THOC2: variants seen among roughly 807,000 people sequenced by gnomAD.
The protein encoded by THOC2 is THO complex 2.
THOC2 carries 10 observed loss-of-function variants against 128.4 expected under a neutral mutation model. That is an observed-to-expected ratio of 0.08 (90% CI 0.05 to 0.13). The LOEUF (loss-of-function observed/expected upper bound fraction) is 0.13, where lower values mean the gene tolerates loss of function less well. THOC2 is among the 10% of genes least tolerant of loss of function. THOC2 has a pLI of 1.00. For synonymous variants in THOC2, 393 were observed against 396.9 expected, an observed-to-expected ratio of 0.99 and a Z score of 0.12; for missense variants, 535 against 1,155.7, an observed-to-expected ratio of 0.46 and a Z score of 7.79.
At chrX:123,640,660 G>T (rs772507265) in intron 15 of THOC2, 38 bp from the exon 16 acceptor site, 1 of 838,393 alleles carries the variant, frequency 1.2e-6, no homozygotes, top group African/African-American at 2.1e-5. Context: ...ATCATCTTAA[G>T]TAACATTCCT....
intron 1 of THOC2, among the ~76,000 whole-genome samples, chrX:123,717,253 A>T (rs769425869): frequency 7.2e-5 from 8 of 111,784 alleles, no homozygotes; most frequent in Non-Finnish European, 1.1e-4. Flanking sequence ...AAATTTTTTT[A>T]AAAAAGGAAA....
At position 123,626,213 on chromosome X, in the gene THOC2, T is replaced by G. The variant is rs1192101041; in HGVS notation, c.2900-144A>C. ...ATAGTTTGTAACCAAATGTCATGCCTGGTCATGATTATCATTTTTACTATG... is the reference window on the plus strand; with the variant it reads ...ATAGTTTGTAACCAAATGTCATGCCGGGTCATGATTATCATTTTTACTATG... On this transcript the variant is annotated intron_variant, in intron 24 of 38. Transcript: ENST00000245838. 1.5e-5 allele frequency: 7 copies of G among 456,604 alleles called. No individual in the cohort carries two copies. The South Asian group carries it at 1.9e-4, about 13-fold the overall frequency. 37.6% of individuals were successfully genotyped at this position (456,604 alleles called of 1,213,427 possible).
intron 8 of THOC2, 90 bp downstream of exon 8, chrX:123,686,458 C>T: frequency 2.7e-6 from 2 of 748,662 alleles, no homozygotes; most frequent in South Asian, 3.6e-5. Context: ...TGAGATGAGA[C>T]CAATCATTTA....
intron 1 of THOC2, among the ~76,000 whole-genome samples, chrX:123,728,203 T>A (rs1371362430): frequency 9.1e-6 from 1 of 109,602 alleles, no homozygotes; most frequent in Non-Finnish European, 1.9e-5. Context: ...TTTTATCTTG[T>A]AGAAACATGC....
chrX:123,721,383 G>A (rs1460685121), intron 1 of THOC2, among the ~76,000 whole-genome samples: 1 of 108,718 alleles, frequency 9.2e-6, no homozygotes, highest in East Asian at 3.0e-4. Flanking sequence ...ATGTTGGCCA[G>A]GCCAGTCTCG....
chrX:123,702,581 T>A (rs2050748515), intron 4 of THOC2, among the ~76,000 whole-genome samples: 1 of 105,223 alleles, frequency 9.5e-6, no homozygotes, highest in African/African-American at 3.4e-5. Context: ...CACATATATA[T>A]TATATATATC....
chrX:123,663,660 G>A (rs1396742153), intron 12 of THOC2, among the ~76,000 whole-genome samples: 2 of 107,714 alleles, frequency 1.9e-5, no homozygotes, highest in African/African-American at 6.8e-5. Context: ...TAGGGTACAT[G>A]TGCACAATGT....
chrX:123,621,660 T>C, intron 30 of THOC2, 73 bp from the exon 31 acceptor site: 1 of 812,664 alleles, frequency 1.2e-6, no homozygotes, highest in Non-Finnish European at 1.7e-6. Context: ...ATAAAATATA[T>C]CATAAAGGGT....
At position 123,625,855 on chromosome X, in the gene THOC2, T is replaced by C. The variant is rs769055760; in HGVS notation, c.3057+57A>G. 5.9e-5 allele frequency: 65 copies of C among 1,109,500 alleles called. 1 individual carries two copies. Among genetic ancestry groups the C allele is most frequent in the Non-Finnish European group, 7.4e-5 (60 of 814,229 alleles). The allele number at this position is 1,109,500 out of a possible 1,213,427, so 91.4% of individuals were successfully genotyped here. On this transcript the variant is annotated intron_variant, in intron 25 of 38. Transcript: ENST00000245838. ...AAACACACAATAATACCTCTATAAA[T>C]TATAATGTTAGCTATCTTTGTGTGA...
intron 37 of THOC2, 79 bp from the exon 38 acceptor site, chrX:123,611,042 G>A: frequency 2.1e-6 from 2 of 969,182 alleles, no homozygotes; most frequent in Non-Finnish European, 2.9e-6. Flanking sequence ...CAGCACCTCA[G>A]GTTGCAGGCC....
intron 20 of THOC2, among the ~76,000 whole-genome samples, chrX:123,633,371 T>C (rs191116265): frequency 7.9e-4 from 88 of 111,863 alleles, no homozygotes; most frequent in African/African-American, 2.5e-3. Context: ...ATAGAAGATA[T>C]AGTAATTATT....
intron 8 of THOC2, among the ~76,000 whole-genome samples, chrX:123,684,019 T>C (rs867133315): frequency 1.8e-5 from 2 of 109,351 alleles, no homozygotes; most frequent in Non-Finnish European, 3.8e-5. Context: ...GTATTTCTTA[T>C]ATAAGAAAAA....
At chrX:123,725,643 G>A (rs1486951005) in intron 1 of THOC2, among the ~76,000 whole-genome samples, 6 of 92,092 alleles carry the variant, frequency 6.5e-5, no homozygotes, top group Non-Finnish European at 8.4e-5. Flanking sequence ...AAAAAACCAC[G>A]ATTAAGCTTC....
chrX:123,669,323 CT>C (rs771033880), intron 9 of THOC2, among the ~76,000 whole-genome samples: 353 of 98,681 alleles, frequency 3.6e-3, no homozygotes, highest in African/African-American at 6.9e-3. Flanking sequence ...TTATTTTTTA[CT>C]TTTTTTTTTT....
At chrX:123,638,777 C>A (rs1007210148) in intron 17 of THOC2, among the ~76,000 whole-genome samples, 157 bp downstream of exon 17, 3 of 109,257 alleles carry the variant, frequency 2.7e-5, no homozygotes, top group African/African-American at 1.0e-4. Context: ...CATACACACA[C>A]ACACACACAC....
rs779967119 is a variant in THOC2, at chrX:123,663,784, C to T, written c.1386+1858G>A. Among the ~76,000 whole-genome samples the T allele has an allele frequency of 1.1e-4, 12 of 110,638 alleles. No individual in the cohort carries two copies. In the East Asian group the frequency reaches 3.4e-3, roughly 31 times the overall value. On this transcript the variant is annotated intron_variant, in intron 12 of 38. Transcript: ENST00000245838. ...ATCCCTCCCCTCTCCCCACACCCCA[C>T]AACAGGCCCCGGTGTGTGAAGTTCC...
At chrX:123,661,748 C>G (rs936917421) in intron 12 of THOC2, among the ~76,000 whole-genome samples, 1 of 111,667 alleles carries the variant, frequency 9.0e-6, no homozygotes, top group Non-Finnish European at 1.9e-5. Context: ...TAACAGATTT[C>G]TTTAGAGTAC....
intron 19 of THOC2, 32 bp from the exon 20 acceptor site, chrX:123,634,102 G>T: frequency 1.2e-6 from 1 of 835,968 alleles, no homozygotes; most frequent in Admixed American, 2.7e-5. Flanking sequence ...ACAGTCTATA[G>T]TTAGAACTTC....
At chrX:123,685,509 A>C (rs913910501) in intron 8 of THOC2, among the ~76,000 whole-genome samples, 7 of 111,958 alleles carry the variant, frequency 6.3e-5, no homozygotes, top group Non-Finnish European at 1.1e-4. Context: ...GTTATAAGGA[A>C]CTACAGGAAC....
Sources: gnomAD v4.1 joint callset for allele counts (sites outside exome capture counted in the v4.1 genomes callset) on GRCh38, gnomAD v4.1.1 for gene constraint, MANE v1.5 for transcripts, NCBI Gene and HGNC (gene_info 2026-07-23, HGNC 2026-07-21) for gene names.